BIN3: variants seen among roughly 807,000 people sequenced by gnomAD.
The protein encoded by BIN3 is bridging integrator 3.
BIN3 carries 41 observed loss-of-function variants against 38.2 expected under a neutral mutation model. That is an observed-to-expected ratio of 1.07 (90% CI 0.84 to 1.39). BIN3 has a LOEUF of 1.39. Ranked by LOEUF, BIN3 falls within the 40% of genes most tolerant of loss-of-function variation. BIN3 has a pLI of 0.00. For missense variants in BIN3, 361 were observed against 324.3 expected, an observed-to-expected ratio of 1.11 and a Z score of -0.87; for synonymous variants, 145 against 122.6, an observed-to-expected ratio of 1.18 and a Z score of -1.21.
At chr8:22,638,278 T>C (rs922088350) in intron 2 of BIN3, among the ~76,000 whole-genome samples, 2 of 152,222 alleles carry the variant, frequency 1.3e-5, no homozygotes, top group African/African-American at 2.4e-5. Flanking sequence ...TAATTCAACA[T>C]AGCCCTGGAA....
chr8:22,653,067 G>T (rs1802951035), intron 1 of BIN3, among the ~76,000 whole-genome samples: 1 of 152,174 alleles, frequency 6.6e-6, no homozygotes, highest in Admixed American at 6.5e-5. Flanking sequence ...AATAAACTAA[G>T]ATGTCAGGGC....
At chr8:22,636,636 T>C in intron 3 of BIN3, 50 bp from the exon 4 acceptor site, 1 of 1,537,324 alleles carries the variant, frequency 6.5e-7, no homozygotes, top group Non-Finnish European at 8.8e-7. Context: ...TCCCCCTACC[T>C]GAGCGAAGCC....
Position 22,652,490 on chromosome 8 carries a change from T to C in BIN3, c.9-7687A>G, listed in dbSNP as rs117400970. Among the ~76,000 whole-genome samples the C allele has an allele frequency of 6.6e-5, 10 of 152,296 alleles. No homozygotes were observed. In the East Asian group the frequency reaches 1.9e-3, roughly 29 times the overall value. On this transcript the variant is annotated intron_variant, in intron 1 of 8. Coordinates refer to ENST00000276416, the MANE Select transcript of BIN3 (RefSeq NM_018688.6). The stretch of plus-strand genomic sequence containing the variant: ...ATGGAAGAGCCTGCGTGTGCATGTA[T>C]GTGTACACATGTGTGCATGTGCGCA...
chr8:22,634,824 G>C (rs976387214), intron 4 of BIN3, among the ~76,000 whole-genome samples: 1 of 152,166 alleles, frequency 6.6e-6, no homozygotes, highest in Admixed American at 6.5e-5. Context: ...GTGGGGCATG[G>C]GGAGGCTTCG....
At chr8:22,634,636 C>G (rs1390468606) in intron 4 of BIN3, 1 of 427,988 alleles carries the variant, frequency 2.3e-6, no homozygotes, top group Non-Finnish European at 4.7e-6. Context: ...AAGTCCCACC[C>G]GTAGGTGCCC....
intron 6 of BIN3, among the ~76,000 whole-genome samples, chr8:22,629,399 A>C (rs1184696877): frequency 6.6e-6 from 1 of 152,156 alleles, no homozygotes; most frequent in Non-Finnish European, 1.5e-5. Context: ...GGCCTGTCTG[A>C]TCACTGACCA....
rs374643435 is a variant in BIN3 at position 22,630,417 on chromosome 8, C to T, written c.297+25G>A. The stretch of plus-strand genomic sequence containing the variant: ...CAGACCGGGCAGAAGTCATGCTTGC[C>T]CACCCCACACCAAGACCTAGTCACC... On this transcript the variant is annotated intron_variant, in intron 5 of 8. Transcript: ENST00000276416. 1.3e-5 allele frequency: 21 copies of T among 1,612,760 alleles called. No homozygotes were observed. In the East Asian group the frequency reaches 1.6e-4, roughly 12 times the overall value.
chr8:22,629,528 CCCA>C (rs1802113277), intron 6 of BIN3, among the ~76,000 whole-genome samples: 2 of 152,246 alleles, frequency 1.3e-5, no homozygotes, highest in Non-Finnish European at 2.9e-5. Flanking sequence ...TGCGGCCACC[CCCA>C]CGTTTCCAGA....
At chr8:22,629,504 C>T (rs1280626876) in intron 6 of BIN3, among the ~76,000 whole-genome samples, 2 of 152,260 alleles carry the variant, frequency 1.3e-5, no homozygotes, top group Non-Finnish European at 2.9e-5. Flanking sequence ...CCCGCTGCCA[C>T]GCCCCTCCCT....
intron 1 of BIN3, among the ~76,000 whole-genome samples, chr8:22,653,961 A>G (rs1802980713): frequency 6.6e-6 from 1 of 152,136 alleles, no homozygotes; most frequent in Non-Finnish European, 1.5e-5. Context: ...CCCAGTGATA[A>G]GCAGTTAGGG....
chr8:22,630,611 T>A, intron 4 of BIN3, 33 bp from the exon 5 acceptor site: 1 of 1,612,160 alleles, frequency 6.2e-7, no homozygotes, highest in Non-Finnish European at 8.5e-7. Flanking sequence ...GAACCTTCTA[T>A]GAAGGGGCAG....
intron 8 of BIN3, chr8:22,622,837 C>T (rs546731986): frequency 5.9e-5 from 9 of 152,290 alleles, no homozygotes; most frequent in Non-Finnish European, 8.8e-5. Flanking sequence ...AAGTCCCTAC[C>T]TCCTCCTGCA....
Position 22,668,614 on chromosome 8 carries a change from G to A in BIN3, c.8+430C>T, listed in dbSNP as rs527522515. 5.9e-5 allele frequency among the ~76,000 whole-genome samples: 9 copies of A among 152,342 alleles called. No individual in the cohort carries two copies. The South Asian group carries it at 1.9e-3, about 32-fold the overall frequency. On this transcript the variant is annotated intron_variant, in intron 1 of 8. Coordinates refer to ENST00000276416, the MANE Select transcript of BIN3 (RefSeq NM_018688.6). ...GAGGATAGTTACCCAGAAGGGAGTG[G>A]GTTTTGATTAGTGAACTGGGTCCAG...
In BIN3 at chr8:22,621,836, T is replaced by C. The variant is rs548547590; in HGVS notation, c.616-268A>G. Among the ~76,000 whole-genome samples, 81 of 152,232 alleles carry C rather than the reference T, an allele frequency of 5.3e-4. 1 individual carries two copies. The Middle Eastern group carries it at 0.01, about 19-fold the overall frequency. On this transcript the variant is annotated intron_variant, in intron 8 of 8. Coordinates refer to ENST00000276416, the MANE Select transcript of BIN3 (RefSeq NM_018688.6). ...CCCCAGCAGCAGGTGCAGGAAGGCA[T>C]GGGCCTCCTAGGGCGACTGTGGAAT...
At chr8:22,641,995 A>T (rs896043975) in intron 2 of BIN3, among the ~76,000 whole-genome samples, 3 of 152,184 alleles carry the variant, frequency 2.0e-5, no homozygotes, top group African/African-American at 7.2e-5. Context: ...TCTAATGGTC[A>T]GCCCCAGCAG....
At chr8:22,643,535 C>A (rs1012200779) in intron 2 of BIN3, among the ~76,000 whole-genome samples, 1 of 152,208 alleles carries the variant, frequency 6.6e-6, no homozygotes, top group African/African-American at 2.4e-5. Context: ...TCTCAAACTT[C>A]TTGCTTGAAA....
intron 6 of BIN3, chr8:22,625,294 G>A: frequency 1.4e-6 from 1 of 702,024 alleles, no homozygotes; most frequent in African/African-American, 1.7e-5. Flanking sequence ...GCAATGGCAG[G>A]GGGCGTCTAC....
At chr8:22,631,183 A>C (rs1218955920) in intron 4 of BIN3, among the ~76,000 whole-genome samples, 5 of 152,178 alleles carry the variant, frequency 3.3e-5, no homozygotes, top group African/African-American at 1.2e-4. Flanking sequence ...AGATTAGGCC[A>C]GCAGCTGCAC....
In BIN3 at chr8:22,636,076, C is replaced by T. The variant is rs558732432; in HGVS notation, c.160+449G>A. 2.6e-5 allele frequency among the ~76,000 whole-genome samples: 4 copies of T among 152,318 alleles called. 1 individual carries two copies. Among genetic ancestry groups the T allele is most frequent in the African/African-American group, 9.6e-5 (4 of 41,576 alleles). ...ATAGAATTATCTGGGGTATTTCTGG[C>T]CTTACACTTTAACCCAACCTCCTGT... On this transcript the variant is annotated intron_variant, in intron 4 of 8. Coordinates refer to ENST00000276416, the MANE Select transcript of BIN3 (RefSeq NM_018688.6).
Sources: allele counts gnomAD v4.1 joint callset (sites outside exome capture counted in the v4.1 genomes callset), GRCh38; gene constraint gnomAD v4.1.1; transcripts MANE v1.5; gene names NCBI Gene and HGNC (gene_info 2026-07-23, HGNC 2026-07-21).